The following SLC5A4 variants were observed in gnomAD, a reference collection of about 807,000 sequenced individuals.
SLC5A4 encodes solute carrier family 5 member 4.
SLC5A4 carries 55 observed loss-of-function variants against 70.3 expected under a neutral mutation model. That is an observed-to-expected ratio of 0.78 (90% CI 0.63 to 0.98). The LOEUF is 0.98. SLC5A4 is among the 50% of genes least tolerant of loss of function. The pLI, the probability that SLC5A4 is intolerant of heterozygous loss-of-function variation, is 0.00. For missense variants in SLC5A4, 735 were observed against 839.2 expected, an observed-to-expected ratio of 0.88 and a Z score of 1.53; for synonymous variants, 268 against 305.7, an observed-to-expected ratio of 0.88 and a Z score of 1.29.
chr22:32,255,491 C>T, upstream of SLC5A4: 5 of 675,310 alleles, frequency 7.4e-6, no homozygotes, highest in Admixed American at 2.5e-5. Context: ...CAGCCCTCCA[C>T]CAGTGAGTGC....
intron 3 of SLC5A4, among the ~76,000 whole-genome samples, chr22:32,249,482 A>G (rs1927020788): frequency 6.6e-6 from 1 of 152,136 alleles, no homozygotes; most frequent in Non-Finnish European, 1.5e-5. Context: ...TGGCACTATT[A>G]AAACAAAGCT....
chr22:32,250,697 A>G (rs1927087995), intron 3 of SLC5A4, among the ~76,000 whole-genome samples: 1 of 152,190 alleles, frequency 6.6e-6, no homozygotes, highest in African/African-American at 2.4e-5. Flanking sequence ...AAATACTTGG[A>G]ATCAACCCAA....
chr22:32,316,107 T>TG, the SLC5A4 span, among the ~76,000 whole-genome samples: 41 of 65,232 alleles, frequency 6.3e-4, no homozygotes, highest in East Asian at 2.8e-3. Flanking sequence ...AGACTCTGTC[T>TG]GAAAAAAAAA....
chr22:32,218,800 C>A, intron 14 of SLC5A4, 75 bp from the exon 15 acceptor site: 1 of 1,014,050 alleles, frequency 9.9e-7, no homozygotes, highest in Non-Finnish European at 1.5e-6. Context: ...CAGTGTAGTA[C>A]CTATGACTGT....
the SLC5A4 span, among the ~76,000 whole-genome samples, chr22:32,306,000 A>C: frequency 6.6e-6 from 1 of 151,902 alleles, no homozygotes; most frequent in Non-Finnish European, 1.5e-5. Context: ...TCCCCCTAAC[A>C]CCACCTTGGC....
At chr22:32,289,185 G>A in the SLC5A4 span, among the ~76,000 whole-genome samples, 5 of 151,978 alleles carry the variant, frequency 3.3e-5, no homozygotes, top group African/African-American at 9.7e-5. Flanking sequence ...AATGGCTGTT[G>A]AACTTTACAT....
At chr22:32,337,291 G>C in the SLC5A4 span, among the ~76,000 whole-genome samples, 1 of 152,212 alleles carries the variant, frequency 6.6e-6, no homozygotes. Context: ...CCAGAACTCT[G>C]GGAGGCCAAG....
At chr22:32,241,440 T>C (rs768839753) in intron 5 of SLC5A4, among the ~76,000 whole-genome samples, 56 of 152,352 alleles carry the variant, frequency 3.7e-4, no homozygotes, top group Admixed American at 6.5e-4. Context: ...ACTAGTCTTA[T>C]GGTGGGGATG....
At chr22:32,339,734 G>A in the SLC5A4 span, among the ~76,000 whole-genome samples, 1 of 152,156 alleles carries the variant, frequency 6.6e-6, no homozygotes, top group Non-Finnish European at 1.5e-5. Context: ...AACCAACCAT[G>A]CACCCCAACA....
the SLC5A4 span, among the ~76,000 whole-genome samples, chr22:32,322,202 T>TCA: frequency 6.6e-6 from 1 of 152,040 alleles, no homozygotes; most frequent in East Asian, 1.9e-4. Flanking sequence ...GCTGAGAACA[T>TCA]CACACAAGGC....
chr22:32,266,508 C>A, the SLC5A4 span, among the ~76,000 whole-genome samples: 1,271 of 152,272 alleles, frequency 8.3e-3, 24 homozygotes, highest in African/African-American at 0.025. Context: ...TTTACAAATA[C>A]AGAGAGTAAT....
the SLC5A4 span, among the ~76,000 whole-genome samples, chr22:32,330,837 T>C: frequency 8.0e-6 from 1 of 125,638 alleles, no homozygotes; most frequent in Non-Finnish European, 1.7e-5. Context: ...TGTGTGTGTG[T>C]GTGTTGGGGG....
chr22:32,283,656 C>T, the SLC5A4 span, among the ~76,000 whole-genome samples: 34,304 of 151,970 alleles, frequency 0.23, 4,305 homozygotes, highest in East Asian at 0.42. Flanking sequence ...TGTAAGTCAC[C>T]CTAGGAGCAT....
At chr22:32,303,883 C>T in the SLC5A4 span, among the ~76,000 whole-genome samples, 63 of 152,288 alleles carry the variant, frequency 4.1e-4, no homozygotes, top group African/African-American at 1.4e-3. Flanking sequence ...GCCAAACTGT[C>T]TTCCAAAGTG....
chr22:32,239,518 T>TTATA (rs1173210993), intron 5 of SLC5A4, among the ~76,000 whole-genome samples: 95 of 24,970 alleles, frequency 3.8e-3, no homozygotes, highest in Admixed American at 5.3e-3. Flanking sequence ...GGAGTGCATA[T>TTATA]TATATATATA....
At chr22:32,334,068 A>C in the SLC5A4 span, among the ~76,000 whole-genome samples, 5 of 127,662 alleles carry the variant, frequency 3.9e-5, no homozygotes, top group African/African-American at 1.3e-4. Context: ...CACAATATAC[A>C]CACACTATGC....
chr22:32,349,232 C>T, the SLC5A4 span, among the ~76,000 whole-genome samples: 1 of 151,452 alleles, frequency 6.6e-6, no homozygotes, highest in Non-Finnish European at 1.5e-5. Flanking sequence ...CTTGGCCTCC[C>T]AAGGTGCTGG....
In SLC5A4 at chr22:32,237,321, C is replaced by A. The variant is rs1440159131; in HGVS notation, c.587G>T (p.Gly196Val). The A allele has an allele frequency of 6.3e-7, 1 of 1,591,396 alleles. No individual in the cohort carries two copies. The highest frequency in any genetic ancestry group is 8.5e-7 in the Non-Finnish European group (1 of 1,169,874). The change falls in exon 7 of 15, where the codon GGC becomes GTC. Residue 196 changes from glycine to valine, a missense_variant. By Grantham distance (109) the Gly-to-Val change is moderately radical. Transcript: ENST00000266086. ...AMTAVYTTTG[G>V]LASVIYTDTL... ...GTCTGTGTAAATCACCGAGGCCAAGCCCCCTAGTGAGAGAAAGAAAAGAAC... is the reference window on the plus strand; with the variant it reads ...GTCTGTGTAAATCACCGAGGCCAAGACCCCTAGTGAGAGAAAGAAAAGAAC...
the SLC5A4 span, chr22:32,272,169 A>G: frequency 2.8e-6 from 2 of 725,096 alleles, no homozygotes; most frequent in Non-Finnish European, 5.1e-6. Flanking sequence ...GGCCGCCGGG[A>G]CCTGCCTCAT....
Sources: allele counts gnomAD v4.1 joint callset (sites outside exome capture counted in the v4.1 genomes callset), GRCh38; gene constraint gnomAD v4.1.1; transcripts MANE v1.5; gene names NCBI Gene and HGNC (gene_info 2026-07-23, HGNC 2026-07-21).